Variants in TRIO observed in about 807,000 individuals in gnomAD.
TRIO encodes trio Rho guanine nucleotide exchange factor.
A neutral mutation model predicts 351.9 loss-of-function variants in TRIO; 58 were observed. The ratio of observed to expected loss-of-function variants is 0.16; its 90% CI spans 0.13 to 0.21. The LOEUF is 0.21. TRIO is among the 10% of genes least tolerant of loss of function. The probability of loss-of-function intolerance (pLI) is 1.00; values close to 1 mark genes in which losing one functional copy is unlikely to be tolerated. For missense variants in TRIO, 3,201 were observed against 4,027.8 expected, an observed-to-expected ratio of 0.79 and a Z score of 5.56; for synonymous variants, 1,758 against 1,595.7, an observed-to-expected ratio of 1.10 and a Z score of -2.42.
At chr5:14,260,274 T>C (rs1795268737) in intron 1 of TRIO, among the ~76,000 whole-genome samples, 1 of 152,246 alleles carries the variant, frequency 6.6e-6, no homozygotes, top group Admixed American at 6.5e-5. Context: ...ATAATAACAG[T>C]ATCTATATCT....
chr5:14,355,273 T>C (rs1743514852), intron 11 of TRIO, among the ~76,000 whole-genome samples: 1 of 152,274 alleles, frequency 6.6e-6, no homozygotes, highest in Non-Finnish European at 1.5e-5. Context: ...TGGTTAGTTA[T>C]AGCTCAGCGC....
At chr5:14,439,605 T>C (rs1751863577) in intron 34 of TRIO, among the ~76,000 whole-genome samples, 1 of 152,248 alleles carries the variant, frequency 6.6e-6, no homozygotes, top group Non-Finnish European at 1.5e-5. Flanking sequence ...TTTTTAGTGC[T>C]TTTTGCTAAC....
At chr5:14,501,837 G>C (rs1268319399) in intron 53 of TRIO, among the ~76,000 whole-genome samples, 2 of 152,178 alleles carry the variant, frequency 1.3e-5, no homozygotes, top group Non-Finnish European at 1.5e-5. Context: ...GGAGGGCCAG[G>C]CTCCCGTGGA....
chr5:14,253,740 C>G (rs1581454112), intron 1 of TRIO, among the ~76,000 whole-genome samples: 1 of 152,180 alleles, frequency 6.6e-6, no homozygotes. Context: ...TCCCTAAGAC[C>G]TTTGTAGGGA....
At chr5:14,367,695 A>G (rs1026536037) in intron 16 of TRIO, among the ~76,000 whole-genome samples, 5 of 151,964 alleles carry the variant, frequency 3.3e-5, no homozygotes, top group African/African-American at 7.3e-5. Flanking sequence ...ATTTGATTAC[A>G]GAAATGTTAT....
At chr5:14,481,311 C>T (rs1755495054) in intron 44 of TRIO, 27 bp downstream of exon 44, 2 of 1,611,048 alleles carry the variant, frequency 1.2e-6, no homozygotes, top group African/African-American at 2.7e-5. Context: ...CTGTGGGCAC[C>T]CAAATCCCCA....
At chr5:14,501,683 G>A (rs1350035015) in intron 53 of TRIO, among the ~76,000 whole-genome samples, 1 of 152,242 alleles carries the variant, frequency 6.6e-6, no homozygotes, top group African/African-American at 2.4e-5. Context: ...CATTCCCAGT[G>A]ACAACCTGGG....
intron 15 of TRIO, 142 bp downstream of exon 15, chr5:14,364,958 C>T: frequency 9.3e-7 from 1 of 1,076,118 alleles, no homozygotes; most frequent in Non-Finnish European, 1.3e-6. Flanking sequence ...AGATAATGCG[C>T]ACATACACAC....
intron 34 of TRIO, among the ~76,000 whole-genome samples, chr5:14,428,823 G>T (rs1474662271): frequency 6.6e-6 from 1 of 152,166 alleles, no homozygotes; most frequent in African/African-American, 2.4e-5. Context: ...TAGTGTTTAG[G>T]GAAAGCAGTA....
intron 54 of TRIO, among the ~76,000 whole-genome samples, 159 bp from the exon 55 acceptor site, chr5:14,504,234 C>T (rs913169807): frequency 1.3e-5 from 2 of 152,182 alleles, no homozygotes; most frequent in Non-Finnish European, 2.9e-5. Context: ...ATTTGGGGGA[C>T]AGCCATGGCA....
chr5:14,209,854 A>T (rs1333220629), intron 1 of TRIO, among the ~76,000 whole-genome samples: 1 of 152,236 alleles, frequency 6.6e-6, no homozygotes, highest in East Asian at 1.9e-4. Context: ...TCTTCTGGTG[A>T]GAGGAATTTA....
At chr5:14,506,861 G>A (rs1261910872) in intron 55 of TRIO, among the ~76,000 whole-genome samples, 1 of 152,198 alleles carries the variant, frequency 6.6e-6, no homozygotes, top group East Asian at 1.9e-4. Flanking sequence ...CCCCGCAACA[G>A]GCGGGTTTGG....
rs756824925 is a variant in TRIO at position 14,492,901 on chromosome 5, A to C, written c.7880+87A>C. Reference sequence around the variant, plus strand: ...GAGGCACACGACCTCAGACGGGGTAAGCATGTGGAAGGGAGATCTGCGCTG... The same window carrying C: ...GAGGCACACGACCTCAGACGGGGTACGCATGTGGAAGGGAGATCTGCGCTG... On this transcript the variant is annotated intron_variant, in intron 49 of 56. Transcript: ENST00000344204. 3.9e-4 allele frequency: 611 copies of C among 1,549,632 alleles called. No individual in the cohort carries two copies. The Middle Eastern group carries it at 4.1e-3, about 10-fold the overall frequency.
chr5:14,481,660 A>G, intron 45 of TRIO, 42 bp downstream of exon 45: 2 of 1,598,834 alleles, frequency 1.3e-6, no homozygotes, highest in East Asian at 2.2e-5. Context: ...CTCTGCCTTC[A>G]TCTCTTTCTT....
intron 9 of TRIO, among the ~76,000 whole-genome samples, chr5:14,318,245 T>C (rs1304415751): frequency 1.1e-5 from 1 of 93,210 alleles, no homozygotes; most frequent in African/African-American, 4.4e-5. Flanking sequence ...AGTGGGCCGA[T>C]ATCGCACCAT....
chr5:14,345,106 A>AT (rs1038064264), intron 11 of TRIO, among the ~76,000 whole-genome samples: 25 of 152,098 alleles, frequency 1.6e-4, no homozygotes, highest in South Asian at 2.1e-4. Flanking sequence ...AAAACGCTAC[A>AT]TTTTTTTTCT....
intron 2 of TRIO, among the ~76,000 whole-genome samples, chr5:14,275,938 GTCTA>G (rs1735471757): frequency 6.9e-6 from 1 of 145,558 alleles, no homozygotes; most frequent in Non-Finnish European, 1.5e-5. Context: ...ATATATGTGT[GTCTA>G]TATATATACA....
chr5:14,238,506 GCA>G (rs1210513139), intron 1 of TRIO, among the ~76,000 whole-genome samples: 1 of 152,148 alleles, frequency 6.6e-6, no homozygotes, highest in African/African-American at 2.4e-5. Context: ...TGGGCCCCGT[GCA>G]CCACCTGTCA....
At chr5:14,456,185 G>A (rs1426028927) in intron 34 of TRIO, among the ~76,000 whole-genome samples, 2 of 152,210 alleles carry the variant, frequency 1.3e-5, no homozygotes, top group Non-Finnish European at 2.9e-5. Context: ...CTGAGCACAC[G>A]CCCACCTGGA....
Sources: gnomAD v4.1 joint callset for allele counts (sites outside exome capture counted in the v4.1 genomes callset) on GRCh38, gnomAD v4.1.1 for gene constraint, MANE v1.5 for transcripts, NCBI Gene and HGNC (gene_info 2026-07-23, HGNC 2026-07-21) for gene names.